AP3D1: variants seen among roughly 807,000 people sequenced by gnomAD.
The protein encoded by AP3D1 is adaptor related protein complex 3 subunit delta 1, also known as AP-3 complex subunit delta-1.
In AP3D1, 51 loss-of-function variants were observed where a neutral mutation model predicts 147.6. That is an observed-to-expected ratio of 0.35 (90% CI 0.28 to 0.44). The LOEUF is 0.44. Among genes scored for constraint, AP3D1 ranks in the 20% least tolerant of loss-of-function variants. The pLI is 1.00. For synonymous variants in AP3D1, 760 were observed against 663.0 expected, an observed-to-expected ratio of 1.15 and a Z score of -2.25; for missense variants, 1,421 against 1,624.2, an observed-to-expected ratio of 0.87 and a Z score of 2.15.
intron 1 of AP3D1, among the ~76,000 whole-genome samples, chr19:2,145,123 C>T (rs906027593): frequency 1.3e-5 from 2 of 152,186 alleles, no homozygotes; most frequent in Non-Finnish European, 2.9e-5. Context: ...AGAAAGGAAC[C>T]ACCTTGGCTC....
intron 1 of AP3D1, among the ~76,000 whole-genome samples, chr19:2,162,374 C>T (rs377353276): frequency 6.9e-6 from 1 of 144,160 alleles, no homozygotes; most frequent in Non-Finnish European, 1.5e-5. Context: ...GGGCCGGGTG[C>T]GGTGGCTGAT....
rs2019511018 is a variant in AP3D1, at chr19:2,151,474, G to T, written c.-140C>A. 8.5e-6 allele frequency: 3 copies of T among 352,488 alleles called. No homozygotes were observed. Among genetic ancestry groups the T allele is most frequent in the Non-Finnish European group, 1.2e-5 (3 of 248,256 alleles). 21.8% of individuals were successfully genotyped at this position (352,488 alleles called of 1,614,324 possible). A position where few individuals can be genotyped will look rare whatever the true frequency, so the allele number is the denominator to read the frequency against. On this transcript the variant is annotated 5_prime_UTR_variant, in exon 1 of 32. Transcript: ENST00000643116. ...CAAGCTCCCAGGCCAGGGCGGCGGC[G>T]GGGTCCAAGGACCGCGGCAGAGGCG... is the stretch of plus-strand genomic sequence containing the variant.
intron 26 of AP3D1, 118 bp from the exon 27 acceptor site, chr19:2,111,014 G>A (rs560170643): frequency 1.6e-5 from 19 of 1,178,100 alleles, no homozygotes; most frequent in South Asian, 1.0e-4. Flanking sequence ...AGGAAGGCAC[G>A]GAGAGGGGCG....
rs1363145772 is a variant in AP3D1, at chr19:2,132,554, C to T, written c.379G>A (p.Asp127Asn). 6.2e-7 allele frequency: 1 copy of T among 1,609,940 alleles called. No individual in the cohort carries two copies. The highest frequency in any genetic ancestry group is 8.5e-7 in the Non-Finnish European group (1 of 1,176,664). The change falls in exon 5 of 32, where the codon GAC becomes AAC. Residue 127 changes from aspartate to asparagine, a missense_variant. Around this residue, in one of 6 missense-constraint regions of AP3D1, gnomAD observed 292 missense variants for 412.0 expected, o/e 0.71. Coordinates refer to ENST00000643116, the MANE Select transcript of AP3D1 (RefSeq NM_001261826.3). ...AGACCCGTCAGTGCAACACCTGTGT[C>T]GTACTGGCTGGGGCTGCTCAAGTCC... ...RKDLSSPSQYDTGVALTGLSC... is the reference protein window; with the variant it reads ...RKDLSSPSQYNTGVALTGLSC...
chr19:2,109,007 G>C, intron 30 of AP3D1, 79 bp downstream of exon 30: 2 of 1,581,802 alleles, frequency 1.3e-6, no homozygotes, highest in Non-Finnish European at 1.7e-6. Context: ...GAGGGCCACA[G>C]GCCCGGCTCC....
intron 30 of AP3D1, 91 bp downstream of exon 30, chr19:2,108,994 TG>T: frequency 6.4e-7 from 1 of 1,563,860 alleles, no homozygotes; most frequent in East Asian, 2.3e-5. Flanking sequence ...TGAGTTTGGG[TG>T]GGAGGGCCAC....
intron 31 of AP3D1, among the ~76,000 whole-genome samples, chr19:2,107,936 C>T (rs1371123588): frequency 6.6e-6 from 1 of 152,192 alleles, no homozygotes; most frequent in South Asian, 2.1e-4. Flanking sequence ...AAGTACAAAA[C>T]TACCAAACTC....
At chr19:2,106,552 C>T (rs544835930) in intron 31 of AP3D1, among the ~76,000 whole-genome samples, 2 of 149,736 alleles carry the variant, frequency 1.3e-5, no homozygotes, top group South Asian at 4.2e-4. Flanking sequence ...GTTTCCAAAA[C>T]AAAAAAATAA....
At chr19:2,117,106 A>G in intron 16 of AP3D1, 116 bp downstream of exon 16, 1 of 1,340,848 alleles carries the variant, frequency 7.5e-7, no homozygotes, top group African/African-American at 1.5e-5. Flanking sequence ...TGAGGCCTCC[A>G]ATCAGCCCCA....
Position 2,101,054 on chromosome 19 carries a change from G to GTC in AP3D1, c.*1117_*1118dup, listed in dbSNP as rs1280317632. On this transcript the variant is annotated 3_prime_UTR_variant, in exon 32 of 32. Coordinates refer to ENST00000643116, the MANE Select transcript of AP3D1 (RefSeq NM_001261826.3). The stretch of plus-strand genomic sequence containing the variant: ...CAAAATCATGACAGCAGCGTGATAT[G>GTC]TCTCTCTCTTTATACGGGAATGTCG... The GTC allele has an allele frequency of 6.6e-6, 1 of 152,500 alleles. No individual in the cohort carries two copies. Among genetic ancestry groups the GTC allele is most frequent in the African/African-American group, 2.4e-5 (1 of 41,432 alleles). 9.4% of individuals were successfully genotyped at this position (152,500 alleles called of 1,614,324 possible). A position where few individuals can be genotyped will look rare whatever the true frequency, so the allele number is the denominator to read the frequency against.
In AP3D1 at chr19:2,116,222, C is replaced by A; in HGVS notation, c.2058G>T (p.Ser686=). The part of the protein sequence containing the change: ...QANNPFYIKS[S]PSPQKRYQDT... ...CGGGCCTCACCTTCTGTGGCGATGG[C>A]GAGCTCTTGATGTAGAAGGGGTTGT... is the stretch of plus-strand genomic sequence containing the variant. The change falls in exon 18 of 32, where the codon TCG becomes TCT. Residue 686 remains serine (S), a synonymous_variant. Coordinates refer to ENST00000643116, the MANE Select transcript of AP3D1 (RefSeq NM_001261826.3). 4 of 1,614,134 alleles carry A rather than the reference C, an allele frequency of 2.5e-6. No homozygotes were observed. The South Asian group carries it at 4.4e-5, about 18-fold the overall frequency.
chr19:2,153,373 C>G (rs1247921728), upstream of AP3D1, among the ~76,000 whole-genome samples: 2 of 108,786 alleles, frequency 1.8e-5, no homozygotes, highest in Non-Finnish European at 3.9e-5. Context: ...AACATGGTCT[C>G]AAAAAAGAAG....
At chr19:2,134,061 T>C (rs369470324) in intron 4 of AP3D1, among the ~76,000 whole-genome samples, 12 of 151,852 alleles carry the variant, frequency 7.9e-5, no homozygotes, top group African/African-American at 2.9e-4. Context: ...TGAGCCGACA[T>C]TGTACTCCAG....
chr19:2,151,170 G>A (rs1439883095), intron 1 of AP3D1, 69 bp downstream of exon 1: 1 of 1,475,710 alleles, frequency 6.8e-7, no homozygotes, highest in Non-Finnish European at 9.2e-7. Flanking sequence ...AGCAGGCCCA[G>A]TGAGCAGGGC....
chr19:2,136,008 C>T (rs1298241977), intron 4 of AP3D1, among the ~76,000 whole-genome samples: 1 of 151,624 alleles, frequency 6.6e-6, no homozygotes, highest in African/African-American at 2.4e-5. Flanking sequence ...GCCCCTCCCG[C>T]TACACGGCCA....
chr19:2,148,482 C>T (rs1470180844), intron 1 of AP3D1, among the ~76,000 whole-genome samples: 1 of 152,218 alleles, frequency 6.6e-6, no homozygotes, highest in Non-Finnish European at 1.5e-5. Context: ...CTTTTTCTTA[C>T]CTAGCATAAC....
upstream of AP3D1, among the ~76,000 whole-genome samples, chr19:2,152,500 G>A (rs1160259700): frequency 1.3e-5 from 2 of 151,582 alleles, no homozygotes; most frequent in Non-Finnish European, 2.9e-5. Flanking sequence ...CCGAGATGGC[G>A]CCACTGCACT....
At chr19:2,137,197 ACACCCTG>A (rs2019099826) in intron 3 of AP3D1, 106 bp from the exon 4 acceptor site, 1 of 989,558 alleles carries the variant, frequency 1.0e-6, no homozygotes, top group Admixed American at 2.0e-5. Flanking sequence ...CCCAGAAGCA[ACACCCTG>A]CAGCCTGGAC....
chr19:2,116,027 C>T (rs926626867), intron 18 of AP3D1, among the ~76,000 whole-genome samples, 180 bp downstream of exon 18: 3 of 152,218 alleles, frequency 2.0e-5, no homozygotes, highest in East Asian at 1.9e-4. Flanking sequence ...GCTGGAGGCT[C>T]GAATGAATGG....
Sources: gnomAD v4.1 joint callset for allele counts (sites outside exome capture counted in the v4.1 genomes callset) on GRCh38, gnomAD v4.1.1 for gene constraint, gnomAD v4.1.1 regional missense constraint, MANE v1.5 for transcripts, NCBI Gene and HGNC (gene_info 2026-07-23, HGNC 2026-07-21) for gene names.